The following RBPMS variants were observed in gnomAD, a reference collection of about 807,000 sequenced individuals.
RBPMS encodes RNA binding protein, mRNA processing factor.
A neutral mutation model predicts 26.8 loss-of-function variants in RBPMS; 7 were observed. The observed-to-expected ratio is 0.26, with a 90% CI of 0.15 to 0.49. The LOEUF (loss-of-function observed/expected upper bound fraction) is 0.49. Ranked by LOEUF, RBPMS falls within the 20% of genes least tolerant of loss-of-function variation. The pLI, the probability that RBPMS is intolerant of heterozygous loss-of-function variation, is 0.98. For missense variants in RBPMS, 186 were observed against 250.0 expected, an observed-to-expected ratio of 0.74 and a Z score of 1.73; for synonymous variants, 96 against 93.3, an observed-to-expected ratio of 1.03 and a Z score of -0.17.
chr8:30,410,204 C>G (rs1281112533), intron 1 of RBPMS, among the ~76,000 whole-genome samples: 3 of 147,838 alleles, frequency 2.0e-5, no homozygotes, highest in African/African-American at 7.5e-5. Context: ...AACTGCTACT[C>G]TTTTATTTAT....
At chr8:30,476,749 CCT>C (rs1184142612) in intron 2 of RBPMS, among the ~76,000 whole-genome samples, 4 of 152,100 alleles carry the variant, frequency 2.6e-5, no homozygotes, top group Admixed American at 6.6e-5. Flanking sequence ...GTGTTTTTCC[CCT>C]GTGTCGTCCG....
chr8:30,563,440 GA>G (rs746731401), intron 7 of RBPMS, among the ~76,000 whole-genome samples: 3 of 152,206 alleles, frequency 2.0e-5, no homozygotes, highest in Non-Finnish European at 4.4e-5. Context: ...TTCTTTGATG[GA>G]TATTCAAAGA....
intron 1 of RBPMS, among the ~76,000 whole-genome samples, chr8:30,457,159 C>T (rs141129383): frequency 7.4e-4 from 113 of 152,252 alleles, no homozygotes; most frequent in African/African-American, 2.5e-3. Flanking sequence ...TCATATGCCC[C>T]CAGGTTCTGA....
At chr8:30,482,482 T>C (rs1818384754) in intron 4 of RBPMS, among the ~76,000 whole-genome samples, 1 of 152,228 alleles carries the variant, frequency 6.6e-6, no homozygotes, top group Non-Finnish European at 1.5e-5. Context: ...TAGTGATTAG[T>C]CTTTTCTCAA....
intron 5 of RBPMS, among the ~76,000 whole-genome samples, chr8:30,529,927 A>G (rs566588265): frequency 7.3e-4 from 111 of 151,640 alleles, no homozygotes; most frequent in African/African-American, 2.5e-3. Context: ...CCAATTTTGT[A>G]TTTTTTTACT....
intron 1 of RBPMS, among the ~76,000 whole-genome samples, chr8:30,423,830 T>TTTTTTTG (rs139494534): frequency 6.6e-6 from 1 of 151,100 alleles, no homozygotes; most frequent in Non-Finnish European, 1.5e-5. Flanking sequence ...TTTTGTTTTT[T>TTTTTTTG]TTGTTGTTGT....
intron 5 of RBPMS, among the ~76,000 whole-genome samples, chr8:30,534,227 C>CA (rs1163855306): frequency 6.6e-6 from 1 of 152,068 alleles, no homozygotes; most frequent in African/African-American, 2.4e-5. Flanking sequence ...ACTCTGGAAA[C>CA]AGATTCTTTA....
At chr8:30,413,906 C>A (rs991502806) in intron 1 of RBPMS, among the ~76,000 whole-genome samples, 8 of 152,144 alleles carry the variant, frequency 5.3e-5, no homozygotes, top group African/African-American at 1.9e-4. Context: ...CCGCATCCAG[C>A]TAATTTTGTA....
At position 30,505,264 on chromosome 8, in the gene RBPMS, T is replaced by C. The variant is rs557479827; in HGVS notation, c.397+828T>C. On this transcript the variant is annotated intron_variant, in intron 5 of 8. Transcript: ENST00000397323. ...CCCAAGTGACTTGGATTCCAAGTTATTTGGAATATTTCTGTCCTGTTGTTT... is the reference window on the plus strand; with the variant it reads ...CCCAAGTGACTTGGATTCCAAGTTACTTGGAATATTTCTGTCCTGTTGTTT... 4.6e-5 allele frequency among the ~76,000 whole-genome samples: 7 copies of C among 152,342 alleles called. No homozygotes were observed. In the East Asian group the frequency reaches 1.3e-3, roughly 29 times the overall value.
chr8:30,527,284 G>T (rs779132218), intron 5 of RBPMS, among the ~76,000 whole-genome samples: 2 of 152,160 alleles, frequency 1.3e-5, no homozygotes, highest in Non-Finnish European at 2.9e-5. Context: ...AAGCTGGTGT[G>T]AGCATCCACA....
chr8:30,481,418 G>C (rs1818261082), intron 4 of RBPMS, among the ~76,000 whole-genome samples: 1 of 152,162 alleles, frequency 6.6e-6, no homozygotes, highest in African/African-American at 2.4e-5. Flanking sequence ...AGCAGGTAAT[G>C]AACCTAGTGT....
intron 6 of RBPMS, chr8:30,545,118 A>T: frequency 7.5e-7 from 1 of 1,332,924 alleles, no homozygotes; most frequent in Non-Finnish European, 9.8e-7. Context: ...GTACTTTCTT[A>T]AATATGTTAC....
At chr8:30,521,166 T>G (rs967842373) in intron 5 of RBPMS, among the ~76,000 whole-genome samples, 3 of 152,214 alleles carry the variant, frequency 2.0e-5, no homozygotes, top group Admixed American at 1.3e-4. Flanking sequence ...GTGCCATTGA[T>G]GGAGCATTCC....
intron 6 of RBPMS, among the ~76,000 whole-genome samples, chr8:30,549,795 T>TCTCTCTCTCTCTCTCC (rs1298441943): frequency 2.7e-4 from 27 of 100,734 alleles, no homozygotes; most frequent in African/African-American, 8.6e-4. Flanking sequence ...TCTCTCTCTC[T>TCTCTCTCTCTCTCTCC]CCCCTCTCTC....
At chr8:30,500,274 A>G (rs1455711664) in intron 4 of RBPMS, among the ~76,000 whole-genome samples, 1 of 151,936 alleles carries the variant, frequency 6.6e-6, no homozygotes, top group African/African-American at 2.4e-5. Context: ...ACACAGATAG[A>G]GAAGTATACA....
At chr8:30,485,051 G>A (rs1380202359) in intron 4 of RBPMS, among the ~76,000 whole-genome samples, 1 of 152,182 alleles carries the variant, frequency 6.6e-6, no homozygotes, top group Non-Finnish European at 1.5e-5. Context: ...CCTATATCAT[G>A]AATGTATTTT....
chr8:30,441,694 T>C (rs1046664026), intron 1 of RBPMS, among the ~76,000 whole-genome samples: 5 of 152,204 alleles, frequency 3.3e-5, no homozygotes, highest in African/African-American at 9.6e-5. Flanking sequence ...TATCGTTCGA[T>C]CTGAAAAATA....
intron 1 of RBPMS, among the ~76,000 whole-genome samples, chr8:30,462,496 T>C (rs1400332364): frequency 6.6e-6 from 1 of 152,082 alleles, no homozygotes; most frequent in Non-Finnish European, 1.5e-5. Context: ...CAATCTCGGC[T>C]CACTCCAACC....
At chr8:30,496,266 T>G (rs1013904756) in intron 4 of RBPMS, among the ~76,000 whole-genome samples, 9 of 152,062 alleles carry the variant, frequency 5.9e-5, no homozygotes, top group African/African-American at 2.2e-4. Context: ...CCACCTGATT[T>G]CACGCCATTC....
Sources: allele counts gnomAD v4.1 joint callset (sites outside exome capture counted in the v4.1 genomes callset), GRCh38; gene constraint gnomAD v4.1.1; transcripts MANE v1.5; gene names NCBI Gene and HGNC (gene_info 2026-07-23, HGNC 2026-07-21).